The following SZRD1 variants were observed in gnomAD, a reference collection of about 807,000 sequenced individuals.
The protein encoded by SZRD1 is SUZ RNA binding domain containing 1.
In SZRD1, 7 loss-of-function variants were observed where a neutral mutation model predicts 17.6. The observed-to-expected ratio is 0.40, with a 90% CI of 0.23 to 0.75. SZRD1 has a LOEUF of 0.75. SZRD1 is among the 30% of genes least tolerant of loss of function. The probability of loss-of-function intolerance (pLI) is 0.38; values close to 1 mark genes in which losing one functional copy is unlikely to be tolerated. For synonymous variants in SZRD1, 77 were observed against 77.9 expected (o/e 0.99, Z 0.06); for missense variants, 178 against 201.8 (o/e 0.88, Z 0.71).
chr1:16,381,819 C>T (rs575834619), intron 1 of SZRD1, among the ~76,000 whole-genome samples: 1 of 150,134 alleles, frequency 6.7e-6, no homozygotes, highest in Non-Finnish European at 1.5e-5. Context: ...GTAATCCCAG[C>T]TACTCAGAAG....
Position 16,376,708 on chromosome 1 carries a change from A to G in SZRD1, c.51+9400A>G, listed in dbSNP as rs1457465770. ...GTAACCCAAGCTACCTGGGAGGCTG[A>G]GGCAGGAGAATCGCTTGAACTTGGG... On this transcript the variant is annotated intron_variant, in intron 1 of 3. Coordinates refer to ENST00000401088, the MANE Select transcript of SZRD1 (RefSeq NM_001114600.3). Among the ~76,000 whole-genome samples the G allele has an allele frequency of 2.0e-5, 3 of 149,218 alleles. No homozygotes were observed. In the East Asian group the frequency reaches 6.2e-4, roughly 31 times the overall value.
intron 1 of SZRD1, among the ~76,000 whole-genome samples, chr1:16,376,722 C>T (rs2083008889): frequency 6.8e-6 from 1 of 146,124 alleles, no homozygotes; most frequent in Non-Finnish European, 1.5e-5. Flanking sequence ...AGGAGAATCG[C>T]TTGAACTTGG....
At position 16,369,272 on chromosome 1, in the gene SZRD1, TGAGATATTTGAAATACCTTTTGGA is replaced by T. The variant is rs1451212648; in HGVS notation, c.51+1967_51+1990del. ...AAATTATTCTTCATATATGTTTTGG[TGAGATATTTGAAATACCTTTTGGA>T]GAAAGGCACCTCGGATGTCACGTTG... On this transcript the variant is annotated intron_variant, in intron 1 of 3. Coordinates refer to ENST00000401088, the MANE Select transcript of SZRD1 (RefSeq NM_001114600.3). 16 of 645,644 alleles carry T rather than the reference TGAGATATTTGAAATACCTTTTGGA, an allele frequency of 2.5e-5. No homozygotes were observed. In the African/African-American group the frequency reaches 2.9e-4, roughly 12 times the overall value. The allele number at this position is 645,644 out of a possible 1,614,324, so 40.0% of individuals were successfully genotyped here. A position where few individuals can be genotyped will look rare whatever the true frequency, so the allele number is the denominator to read the frequency against.
At chr1:16,382,649 C>G (rs892193319) in intron 1 of SZRD1, among the ~76,000 whole-genome samples, 1 of 151,638 alleles carries the variant, frequency 6.6e-6, no homozygotes, top group African/African-American at 2.4e-5. Context: ...CATGCGCCAT[C>G]ACACCTGGCT....
intron 1 of SZRD1, among the ~76,000 whole-genome samples, chr1:16,378,285 C>CTTTT (rs36025947): frequency 3.1e-5 from 4 of 127,492 alleles, no homozygotes; most frequent in Non-Finnish European, 6.5e-5. Flanking sequence ...TTGGCAACTT[C>CTTTT]TTTTTTTTTT....
Position 16,393,221 on chromosome 1 carries a change from T to C in SZRD1, c.102-7T>C. On this transcript the variant is annotated splice_polypyrimidine_tract_variant and splice_region_variant and intron_variant, in intron 2 of 3. Coordinates refer to ENST00000401088, the MANE Select transcript of SZRD1 (RefSeq NM_001114600.3). This position sits in a 1 kb window ranked among gnomAD's most constrained non-coding sequence, Gnocchi z 5.6. ...TGATTTGTGAAGCTGTGTTTGCTCT[T>C]TGTCAGCAGGAAATCCAAATCTCCT... is the stretch of plus-strand genomic sequence containing the variant. The C allele has an allele frequency of 6.2e-7, 1 of 1,613,332 alleles. No individual in the cohort carries two copies. Among genetic ancestry groups the C allele is most frequent in the East Asian group, 2.2e-5 (1 of 44,852 alleles).
chr1:16,388,990 A>G (rs907540379), intron 1 of SZRD1, among the ~76,000 whole-genome samples: 2 of 151,890 alleles, frequency 1.3e-5, no homozygotes, highest in Non-Finnish European at 2.9e-5. Context: ...AGTAGATCAA[A>G]TGAGTCAGTA....
rs2085297059 is a variant in SZRD1 at position 16,395,551 on chromosome 1, C to G, written c.*411C>G. On this transcript the variant is annotated 3_prime_UTR_variant, in exon 4 of 4. Transcript: ENST00000401088. Reference sequence around the variant, plus strand: ...AATGAAAACTCACACCCACCCACCCCCAAGTGCATGTCTCCATCACTTAAA... The same window carrying G: ...AATGAAAACTCACACCCACCCACCCGCAAGTGCATGTCTCCATCACTTAAA... 1 of 196,372 alleles carries G rather than the reference C, an allele frequency of 5.1e-6. No homozygotes were observed. The highest frequency in any genetic ancestry group is 2.3e-5 in the African/African-American group (1 of 43,028). 12.2% of individuals were successfully genotyped at this position (196,372 alleles called of 1,614,324 possible).
Position 16,367,689 on chromosome 1 carries a change from C to G in SZRD1, c.51+381C>G, listed in dbSNP as rs371359463. 2.4e-5 allele frequency: 6 copies of G among 247,174 alleles called. 1 individual carries two copies. In the East Asian group the frequency reaches 2.9e-4, roughly 12 times the overall value. The allele number at this position is 247,174 out of a possible 1,614,324, so 15.3% of individuals were successfully genotyped here. A position where few individuals can be genotyped will look rare whatever the true frequency, so the allele number is the denominator to read the frequency against. On this transcript the variant is annotated intron_variant, in intron 1 of 3. Coordinates refer to ENST00000401088, the MANE Select transcript of SZRD1 (RefSeq NM_001114600.3). ...GTTCTTGTGCTCTGACCGGGACGGACACACCATGTGGGTGGTGGTGGGGCT... is the reference window on the plus strand; with the variant it reads ...GTTCTTGTGCTCTGACCGGGACGGAGACACCATGTGGGTGGTGGTGGGGCT...
At chr1:16,376,700 G>A (rs956510033) in intron 1 of SZRD1, among the ~76,000 whole-genome samples, 3 of 151,464 alleles carry the variant, frequency 2.0e-5, no homozygotes, top group African/African-American at 7.3e-5. Flanking sequence ...AAGCTACCTG[G>A]GAGGCTGAGG....
At chr1:16,381,306 C>A (rs2083097734) in intron 1 of SZRD1, among the ~76,000 whole-genome samples, 2 of 152,014 alleles carry the variant, frequency 1.3e-5, no homozygotes, top group African/African-American at 4.8e-5. Context: ...CACCTGTAAT[C>A]CCAGCACTTT....
chr1:16,395,246 G>A lies in SZRD1; in HGVS notation c.*106G>A, dbSNP rs1287174899. 1 of 800,612 alleles carries A rather than the reference G, an allele frequency of 1.2e-6. No individual in the cohort carries two copies. The highest frequency in any genetic ancestry group is 2.0e-5 in the Admixed American group (1 of 50,886). The allele number at this position is 800,612 out of a possible 1,614,324, so 49.6% of individuals were successfully genotyped here. On this transcript the variant is annotated 3_prime_UTR_variant, in exon 4 of 4. Coordinates refer to ENST00000401088, the MANE Select transcript of SZRD1 (RefSeq NM_001114600.3). ...ACAGCTGGACTTGAGCAGAGGGAAC[G>A]ACCTGACTTACTTGCACTGTGATCC...
chr1:16,395,705 A>G lies in SZRD1; in HGVS notation c.*565A>G, dbSNP rs181755487. The G allele has an allele frequency of 1.8e-3, 276 of 156,846 alleles. No homozygotes were observed. The highest frequency in any genetic ancestry group is 3.0e-3 in the Non-Finnish European group (214 of 70,292). 9.7% of individuals were successfully genotyped at this position (156,846 alleles called of 1,614,324 possible). A position where few individuals can be genotyped will look rare whatever the true frequency, so the allele number is the denominator to read the frequency against. On this transcript the variant is annotated 3_prime_UTR_variant, in exon 4 of 4. Transcript: ENST00000401088. ...TAGTGGTTTAATGAATTTTTAATTA[A>G]GAAAGGGTAGTTTGGTAGTCTACTT... is the stretch of plus-strand genomic sequence containing the variant.
At position 16,375,993 on chromosome 1, in the gene SZRD1, G is replaced by A. The variant is rs538632508; in HGVS notation, c.51+8685G>A. Among the ~76,000 whole-genome samples, 332 of 152,344 alleles carry A rather than the reference G, an allele frequency of 2.2e-3. 2 individuals carry two copies. The highest frequency in any genetic ancestry group is 3.7e-3 in the Non-Finnish European group (249 of 68,034). On this transcript the variant is annotated intron_variant, in intron 1 of 3. Transcript: ENST00000401088. Reference sequence around the variant, plus strand: ...TGGCGAACAAGCGCGCAGCCTGTGGGAAGCTCCCAAGTTCCTCGGGCCCTT... The same window carrying A: ...TGGCGAACAAGCGCGCAGCCTGTGGAAAGCTCCCAAGTTCCTCGGGCCCTT...
intron 2 of SZRD1, among the ~76,000 whole-genome samples, chr1:16,392,616 C>T (rs1014517260): frequency 6.6e-6 from 1 of 152,244 alleles, no homozygotes; most frequent in African/African-American, 2.4e-5. Context: ...TTTCTCTGTT[C>T]AGAAGCTTTT....
intron 1 of SZRD1, among the ~76,000 whole-genome samples, chr1:16,384,416 C>T (rs959726175): frequency 6.6e-6 from 1 of 151,084 alleles, no homozygotes; most frequent in Non-Finnish European, 1.5e-5. Flanking sequence ...GCTAATGATG[C>T]GGGAGACATT....
chr1:16,387,625 G>C (rs1325865788), intron 1 of SZRD1: 1 of 456,650 alleles, frequency 2.2e-6, no homozygotes, highest in East Asian at 6.9e-5. Context: ...TGCTTGCCTG[G>C]TCTATGAAGG....
At chr1:16,368,388 T>A (rs1569984508) in intron 1 of SZRD1, among the ~76,000 whole-genome samples, 1 of 152,264 alleles carries the variant, frequency 6.6e-6, no homozygotes, top group South Asian at 2.1e-4. Flanking sequence ...GCCGGGAAAT[T>A]GACCCTGGCA....
At chr1:16,385,817 C>G (rs2083179348) in intron 1 of SZRD1, among the ~76,000 whole-genome samples, 1 of 152,170 alleles carries the variant, frequency 6.6e-6, no homozygotes, top group Admixed American at 6.6e-5. Context: ...GCTGAGCTTC[C>G]TCCTCTGGTG....
Sources: gnomAD v4.1 joint callset for allele counts (sites outside exome capture counted in the v4.1 genomes callset) on GRCh38, gnomAD v4.1.1 for gene constraint, Gnocchi (gnomAD v3.1) non-coding constraint, MANE v1.5 for transcripts, NCBI Gene and HGNC (gene_info 2026-07-23, HGNC 2026-07-21) for gene names.